Variants in MTMR3 observed in about 807,000 individuals in gnomAD.
MTMR3 encodes myotubularin related protein 3.
Under a neutral mutation model 132.4 loss-of-function variants are expected in MTMR3, and 32 were observed. That is an observed-to-expected ratio of 0.24 (90% confidence interval 0.18 to 0.32). The LOEUF is 0.32. Ranked by LOEUF, MTMR3 falls within the 10% of genes least tolerant of loss-of-function variation. The probability of loss-of-function intolerance (pLI) is 1.00; values close to 1 mark genes in which losing one functional copy is unlikely to be tolerated. For missense variants in MTMR3, 1,216 were observed against 1,489.6 expected (o/e 0.82, Z 3.02); for synonymous variants, 556 against 550.3 (o/e 1.01, Z -0.14).
intron 2 of MTMR3, among the ~76,000 whole-genome samples, chr22:29,957,440 T>G (rs1311932884): frequency 6.5e-5 from 5 of 77,292 alleles, no homozygotes; most frequent in African/African-American, 1.6e-4. Flanking sequence ...TTTATTTATT[T>G]ATTTATTTAT....
chr22:29,887,822 A>G (rs560528620), intron 1 of MTMR3, among the ~76,000 whole-genome samples: 19 of 152,354 alleles, frequency 1.2e-4, no homozygotes, highest in Non-Finnish European at 2.2e-4. Flanking sequence ...GTACTTATTT[A>G]AAAAAGCATT....
At chr22:29,939,030 C>T (rs2065805156) in intron 1 of MTMR3, among the ~76,000 whole-genome samples, 1 of 151,966 alleles carries the variant, frequency 6.6e-6, no homozygotes, top group Non-Finnish European at 1.5e-5. Flanking sequence ...CCATATTGGC[C>T]AGGCTGGTCT....
intron 1 of MTMR3, among the ~76,000 whole-genome samples, chr22:29,911,722 C>T (rs1027361636): frequency 5.3e-5 from 8 of 151,958 alleles, no homozygotes; most frequent in African/African-American, 1.7e-4. Context: ...TATATAGGTA[C>T]ACTCAGTTTA....
intron 1 of MTMR3, among the ~76,000 whole-genome samples, chr22:29,895,926 C>T (rs1332165921): frequency 6.6e-6 from 1 of 152,122 alleles, no homozygotes; most frequent in African/African-American, 2.4e-5. Context: ...AATGGTTCGT[C>T]GTCGTTACGT....
intron 1 of MTMR3, among the ~76,000 whole-genome samples, chr22:29,919,711 A>G (rs2065373957): frequency 6.6e-6 from 1 of 151,870 alleles, no homozygotes. Flanking sequence ...AAAGTTTTGT[A>G]GAGATGGAGT....
intron 13 of MTMR3, 111 bp from the exon 14 acceptor site, chr22:30,013,245 G>T: frequency 9.0e-7 from 1 of 1,112,002 alleles, no homozygotes; most frequent in Non-Finnish European, 1.3e-6. Context: ...AAGGCCGGGT[G>T]GGCTTTCTGG....
chr22:30,002,912 T>A lies in MTMR3; in HGVS notation c.590T>A (p.Val197Glu). The change falls in exon 9 of 20, where the codon GTG becomes GAG. Residue 197 changes from valine to glutamate, a missense_variant. Val to Glu is a moderately radical substitution (Grantham distance 121). Transcript: ENST00000401950. Reference sequence around the variant, plus strand: ...GGTAGCTATCCTCAAGAGCTCATAGTGCCTGCCTGGATCACTGACAAAGAA... The same window carrying A: ...GGTAGCTATCCTCAAGAGCTCATAGAGCCTGCCTGGATCACTGACAAAGAA... ...LCGSYPQELI[V>E]PAWITDKELE... 1.2e-6 allele frequency: 2 copies of A among 1,614,106 alleles called. No homozygotes were observed. Among genetic ancestry groups the A allele is most frequent in the Non-Finnish European group, 1.7e-6 (2 of 1,179,976 alleles).
At chr22:29,938,478 C>G (rs760660283) in intron 1 of MTMR3, among the ~76,000 whole-genome samples, 7 of 152,238 alleles carry the variant, frequency 4.6e-5, no homozygotes, top group Non-Finnish European at 1.0e-4. Context: ...TCCCCCAGCC[C>G]GCTGGTATTC....
At chr22:30,009,249 T>C in intron 12 of MTMR3, 120 bp downstream of exon 12, 1 of 701,290 alleles carries the variant, frequency 1.4e-6, no homozygotes, top group African/African-American at 1.8e-5. Flanking sequence ...TTTCCTTCTG[T>C]TTCTTGGTAA....
At chr22:30,005,775 G>A (rs998663217) in intron 9 of MTMR3, 1 of 152,032 alleles carries the variant, frequency 6.6e-6, no homozygotes, top group Non-Finnish European at 1.5e-5. Flanking sequence ...CATTTTCATC[G>A]TCCCAAAAAA....
At chr22:29,978,873 A>T in intron 4 of MTMR3, 63 bp from the exon 5 acceptor site, 3 of 1,200,130 alleles carry the variant, frequency 2.5e-6, no homozygotes, top group Non-Finnish European at 3.7e-6. Flanking sequence ...CAGCCAACTG[A>T]TGTTTGAAGC....
chr22:29,959,143 T>C (rs1032595931), intron 2 of MTMR3, among the ~76,000 whole-genome samples: 8 of 152,206 alleles, frequency 5.3e-5, no homozygotes, highest in African/African-American at 1.7e-4. Flanking sequence ...AGTAGGAAGA[T>C]TAAATGTTGG....
At chr22:29,947,544 T>C (rs1275395370) in intron 1 of MTMR3, among the ~76,000 whole-genome samples, 1 of 151,652 alleles carries the variant, frequency 6.6e-6, no homozygotes, top group Admixed American at 6.6e-5. Context: ...GTTTTCTGAG[T>C]TAAGTAAAAT....
intron 3 of MTMR3, among the ~76,000 whole-genome samples, chr22:29,976,733 G>T (rs772523209): frequency 1.3e-5 from 2 of 152,224 alleles, no homozygotes; most frequent in Middle Eastern, 3.4e-3. Context: ...TTTTGACCTC[G>T]CAGGGCCCCT....
In MTMR3 at chr22:30,029,170, T is replaced by A. The variant is rs2037013670; in HGVS notation, c.*3369T>A. The A allele has an allele frequency of 6.6e-6, 1 of 152,338 alleles. No individual in the cohort carries two copies. The highest frequency in any genetic ancestry group is 1.5e-5 in the Non-Finnish European group (1 of 68,048). The allele number at this position is 152,338 out of a possible 1,614,324, so 9.4% of individuals were successfully genotyped here. ...TTCTCTGTGGGCAAGGCCAGCTTGC[T>A]TCAGGCTGTAGAGGGAATTTGGTCT... On this transcript the variant is annotated 3_prime_UTR_variant, in exon 20 of 20. Coordinates refer to ENST00000401950, the MANE Select transcript of MTMR3 (RefSeq NM_021090.4).
intron 1 of MTMR3, among the ~76,000 whole-genome samples, chr22:29,942,682 A>G (rs1327240989): frequency 6.6e-6 from 1 of 152,254 alleles, no homozygotes; most frequent in Non-Finnish European, 1.5e-5. Context: ...TTGCTGAGAA[A>G]AAGAATTCAG....
chr22:29,929,941 G>A (rs2065608069), intron 1 of MTMR3, among the ~76,000 whole-genome samples: 1 of 152,200 alleles, frequency 6.6e-6, no homozygotes, highest in African/African-American at 2.4e-5. Flanking sequence ...TGTGAGGGGT[G>A]TGTGGAGAGT....
chr22:29,993,367 T>C (rs995936801), intron 7 of MTMR3: 1 of 152,224 alleles, frequency 6.6e-6, no homozygotes, highest in East Asian at 1.9e-4. Context: ...CAAACAGTGA[T>C]GTGTACAAAT....
chr22:29,951,676 T>C (rs1363502018), intron 1 of MTMR3, among the ~76,000 whole-genome samples: 1 of 152,218 alleles, frequency 6.6e-6, no homozygotes, highest in Non-Finnish European at 1.5e-5. Context: ...ATTGCAGAAC[T>C]TCTTTTGAAG....
Sources: gnomAD v4.1 joint callset for allele counts (sites outside exome capture counted in the v4.1 genomes callset) on GRCh38, gnomAD v4.1.1 for gene constraint, MANE v1.5 for transcripts, NCBI Gene and HGNC (gene_info 2026-07-23, HGNC 2026-07-21) for gene names.